The following CHPT1 variants were observed in gnomAD, a reference collection of about 807,000 sequenced individuals.
CHPT1 encodes the protein choline phosphotransferase 1.
In CHPT1, 36 loss-of-function variants were observed where a neutral mutation model predicts 47.6. The ratio of observed to expected loss-of-function variants is 0.76; its 90% CI spans 0.58 to 1.00. CHPT1 has a LOEUF of 1.00. Ranked by LOEUF, CHPT1 falls within the 50% of genes least tolerant of loss-of-function variation. The probability of loss-of-function intolerance (pLI) is 0.00; values close to 1 mark genes in which losing one functional copy is unlikely to be tolerated. For synonymous variants in CHPT1, 194 were observed against 186.3 expected, an observed-to-expected ratio of 1.04 and a Z score of -0.33; for missense variants, 458 against 498.1, an observed-to-expected ratio of 0.92 and a Z score of 0.77.
chr12:101,728,597 TA>T (rs1952036409), intron 8 of CHPT1: 1 of 265,722 alleles, frequency 3.8e-6, no homozygotes, highest in Admixed American at 4.9e-5. Context: ...TAACCTTCTA[TA>T]CTTGGTTTTC....
intron 1 of CHPT1, among the ~76,000 whole-genome samples, chr12:101,705,723 G>A (rs1951622023): frequency 8.0e-6 from 1 of 124,358 alleles, no homozygotes. Context: ...GAAAAACCTG[G>A]GGCATGTATT....
chr12:101,716,083 T>TA lies in CHPT1; in HGVS notation c.564-644dup, dbSNP rs550193573. Among the ~76,000 whole-genome samples the TA allele has an allele frequency of 1.9e-3, 287 of 152,242 alleles. No individual in the cohort carries two copies. The Middle Eastern group carries it at 0.02, about 11-fold the overall frequency. ...AACAAACGTGAAGAGAGGAGAAAATTACAAATGTTGACTAATTTTCAGTGA... is the reference window on the plus strand; with the variant it reads ...AACAAACGTGAAGAGAGGAGAAAATTAACAAATGTTGACTAATTTTCAGTGA... On this transcript the variant is annotated intron_variant, in intron 3 of 8. Transcript: ENST00000229266.
intron 1 of CHPT1, among the ~76,000 whole-genome samples, chr12:101,713,548 C>CAG (rs1951723164): frequency 6.6e-6 from 1 of 152,194 alleles, no homozygotes; most frequent in Non-Finnish European, 1.5e-5. Flanking sequence ...GGAGCAGTCG[C>CAG]AGGGCTCATC....
chr12:101,722,021 T>C (rs1951858472), intron 5 of CHPT1, among the ~76,000 whole-genome samples: 1 of 151,630 alleles, frequency 6.6e-6, no homozygotes, highest in African/African-American at 2.4e-5. Context: ...ATCATGCCAC[T>C]GCACTTAAGC....
At position 101,700,314 on chromosome 12, in the gene CHPT1, G is replaced by A. The variant is rs1951534405; in HGVS notation, c.273+2180G>A. On this transcript the variant is annotated intron_variant, in intron 1 of 8. Transcript: ENST00000229266. ...TATGATTAATTAGTTTTTAGGATCA[G>A]CCTCATGTGAAAAAAAAAAAAAAAA... 2.7e-5 allele frequency among the ~76,000 whole-genome samples: 3 copies of A among 112,944 alleles called. No homozygotes were observed. The South Asian group carries it at 8.9e-4, about 34-fold the overall frequency. 74.1% of individuals were successfully genotyped at this position (112,944 alleles called of 152,430 possible). A position where few individuals can be genotyped will look rare whatever the true frequency, so the allele number is the denominator to read the frequency against.
At chr12:101,719,155 A>AG (rs1594138614) in intron 4 of CHPT1, among the ~76,000 whole-genome samples, 1 of 133,888 alleles carries the variant, frequency 7.5e-6, no homozygotes, top group East Asian at 2.7e-4. Context: ...ACTCGTCTCA[A>AG]GAAAAAAAAA....
intron 5 of CHPT1, among the ~76,000 whole-genome samples, chr12:101,720,701 CAAAAGGT>C: frequency 6.6e-6 from 1 of 152,308 alleles, no homozygotes; most frequent in Middle Eastern, 3.4e-3. Flanking sequence ...TCTAATATTT[CAAAAGGT>C]AAAATTTTAA....
Position 101,713,956 on chromosome 12 carries a change from G to A in CHPT1, c.274-134G>A, listed in dbSNP as rs143871968. 234 of 534,076 alleles carry A rather than the reference G, an allele frequency of 4.4e-4. 1 individual carries two copies. The Middle Eastern group carries it at 8.1e-3, about 19-fold the overall frequency. The allele number at this position is 534,076 out of a possible 1,614,324, so 33.1% of individuals were successfully genotyped here. A position where few individuals can be genotyped will look rare whatever the true frequency, so the allele number is the denominator to read the frequency against. ...TTAATTTGATTTCTCAATTTAATTC[G>A]CATCTGTAGAATGAGGGTTAGAAAT... On this transcript the variant is annotated intron_variant, in intron 1 of 8. Coordinates refer to ENST00000229266, the MANE Select transcript of CHPT1 (RefSeq NM_020244.3).
At chr12:101,727,407 G>A (rs1951981837) in intron 8 of CHPT1, 1 of 151,692 alleles carries the variant, frequency 6.6e-6, no homozygotes, top group Non-Finnish European at 1.5e-5. Flanking sequence ...GATCTCTGGG[G>A]ATCCAAATCT....
At chr12:101,704,269 T>G (rs1399821546) in intron 1 of CHPT1, among the ~76,000 whole-genome samples, 1 of 152,128 alleles carries the variant, frequency 6.6e-6, no homozygotes, top group Non-Finnish European at 1.5e-5. Context: ...GGAAGATTTT[T>G]TCTTTTATAT....
rs11476991 is a variant in CHPT1 at position 101,725,623 on chromosome 12, CAAAAAAAAA to C, written c.1066-662_1066-654del. 0.028 allele frequency among the ~76,000 whole-genome samples: 3,311 copies of C among 119,528 alleles called. 329 individuals are homozygous for C. In the East Asian group the frequency reaches 0.32, roughly 12 times the overall value. The allele number at this position is 119,528 out of a possible 152,430, so 78.4% of individuals were successfully genotyped here. A position where few individuals can be genotyped will look rare whatever the true frequency, so the allele number is the denominator to read the frequency against. On this transcript the variant is annotated intron_variant, in intron 7 of 8. Transcript: ENST00000229266. ...TTTATTTAAAACACTATGTGGATGA[CAAAAAAAAA>C]AAAAAAAAGCCACACACACAATGTG...
chr12:101,715,029 C>G (rs1461684851), intron 3 of CHPT1: 2 of 154,282 alleles, frequency 1.3e-5, no homozygotes, highest in Admixed American at 1.3e-4. Context: ...GTCGAATCTT[C>G]ATGTGCACAG....
chr12:101,712,857 G>T (rs1346337885), intron 1 of CHPT1, among the ~76,000 whole-genome samples: 2 of 148,276 alleles, frequency 1.3e-5, no homozygotes, highest in African/African-American at 4.9e-5. Context: ...TATTACTTCT[G>T]TTCATATTGA....
chr12:101,721,229 A>G lies in CHPT1; in HGVS notation c.780+975A>G, dbSNP rs1001849257. 3.3e-5 allele frequency among the ~76,000 whole-genome samples: 5 copies of G among 152,244 alleles called. No individual in the cohort carries two copies. The South Asian group carries it at 1.0e-3, about 32-fold the overall frequency. On this transcript the variant is annotated intron_variant, in intron 5 of 8. Coordinates refer to ENST00000229266, the MANE Select transcript of CHPT1 (RefSeq NM_020244.3). ...GCTTGAACCAGGAGGCGGCGGTTGC[A>G]GTAAGCTGAGACGGTGCCACTGCAC...
At position 101,717,099 on chromosome 12, in the gene CHPT1, C is replaced by T. The variant is rs567666491; in HGVS notation, c.648+287C>T. ...ATAAAACAAAAACAACAACAAAAAA[C>T]ACACATTGGAATAACTTTTTCCAGG... is the stretch of plus-strand genomic sequence containing the variant. On this transcript the variant is annotated intron_variant, in intron 4 of 8. Transcript: ENST00000229266. 16 of 389,918 alleles carry T rather than the reference C, an allele frequency of 4.1e-5. No homozygotes were observed. The East Asian group carries it at 7.5e-4, about 18-fold the overall frequency. 24.2% of individuals were successfully genotyped at this position (389,918 alleles called of 1,614,324 possible).
intron 1 of CHPT1, among the ~76,000 whole-genome samples, chr12:101,710,272 G>A (rs965965445): frequency 1.9e-4 from 29 of 149,138 alleles, no homozygotes; most frequent in South Asian, 1.7e-3. Flanking sequence ...CTTGGGCCTG[G>A]GAGGCGGATG....
intron 8 of CHPT1, chr12:101,727,438 ATTTATT>A (rs1252763941): frequency 2.0e-5 from 3 of 151,744 alleles, no homozygotes; most frequent in Non-Finnish European, 4.4e-5. Context: ...ATCTGACCCT[ATTTATT>A]TTTAATTTTA....
At chr12:101,717,470 A>G (rs954961804) in intron 4 of CHPT1, 1 of 315,594 alleles carries the variant, frequency 3.2e-6, no homozygotes, top group Non-Finnish European at 6.3e-6. Flanking sequence ...AAGGATATCA[A>G]TAGTCAACAA....
chr12:101,727,237 GTTTAC>G (rs1159091220), intron 8 of CHPT1: 10 of 152,038 alleles, frequency 6.6e-5, no homozygotes, highest in Non-Finnish European at 1.0e-4. Context: ...GAATACAAAA[GTTTAC>G]TTTAAGTACA....
Sources: allele counts gnomAD v4.1 joint callset (sites outside exome capture counted in the v4.1 genomes callset), GRCh38; gene constraint gnomAD v4.1.1; transcripts MANE v1.5; gene names NCBI Gene and HGNC (gene_info 2026-07-23, HGNC 2026-07-21).